The following NT5DC3 variants were observed in gnomAD, a reference collection of about 807,000 sequenced individuals.
NT5DC3 encodes the protein 5'-nucleotidase domain-containing protein 3.
Under a neutral mutation model 67.8 loss-of-function variants are expected in NT5DC3, and 42 were observed. The observed-to-expected ratio is 0.62, with a 90% CI of 0.48 to 0.80. The LOEUF is 0.80. NT5DC3 is among the 30% of genes least tolerant of loss of function. NT5DC3 has a pLI of 0.00. For missense variants in NT5DC3, 570 were observed against 696.4 expected (o/e 0.82, Z 2.04); for synonymous variants, 237 against 255.6 (o/e 0.93, Z 0.69).
chr12:103,826,257 T>C (rs145455401), intron 1 of NT5DC3, among the ~76,000 whole-genome samples: 72 of 152,334 alleles, frequency 4.7e-4, no homozygotes, highest in African/African-American at 1.5e-3. Context: ...TCCAAAGATA[T>C]CCACGTCCTA....
chr12:103,782,927 A>G (rs1330387747), intron 12 of NT5DC3, among the ~76,000 whole-genome samples: 1 of 152,182 alleles, frequency 6.6e-6, no homozygotes, highest in Non-Finnish European at 1.5e-5. Context: ...TGAAGGCTGC[A>G]GTGAGCCAAG....
Position 103,840,966 on chromosome 12 carries a change from G to A in NT5DC3, c.191C>T (p.Ala64Val). ...KRYLWERYRE[A>V]KRSTEELVPS... Reference sequence around the variant, plus strand: ...TCACTCACCTTCTGTGCTTCTCTTCGCCTCCCGGTAGCGCTCCCACAGGTA... The same window carrying A: ...TCACTCACCTTCTGTGCTTCTCTTCACCTCCCGGTAGCGCTCCCACAGGTA... Residue 64 changes from alanine (A) to valine (V), a missense_variant, in exon 1 of 14, where the codon GCG becomes GTG. Ala to Val is a moderately conservative substitution (Grantham distance 64). This residue lies in a region of NT5DC3 where 466 missense variants were observed against 608.0 expected (regional missense o/e 0.77). Transcript: ENST00000392876. 1.5e-6 allele frequency: 2 copies of A among 1,349,176 alleles called. No individual in the cohort carries two copies. Among genetic ancestry groups the A allele is most frequent in the Non-Finnish European group, 9.6e-7 (1 of 1,044,260 alleles). The allele number at this position is 1,349,176 out of a possible 1,614,324, so 83.6% of individuals were successfully genotyped here.
intron 4 of NT5DC3, 81 bp downstream of exon 4, chr12:103,806,241 T>G (rs754829511): frequency 8.2e-6 from 7 of 853,692 alleles, no homozygotes; most frequent in Non-Finnish European, 1.4e-5. Flanking sequence ...GCCCTCTTCA[T>G]CATTAAACAG....
chr12:103,791,071 G>A (rs1360847064), intron 9 of NT5DC3, among the ~76,000 whole-genome samples: 5 of 152,084 alleles, frequency 3.3e-5, no homozygotes, highest in Non-Finnish European at 5.9e-5. Flanking sequence ...CTGTAGGGCT[G>A]TTAGGTTGTT....
the NT5DC3 span, chr12:103,750,846 T>C: frequency 5.4e-6 from 7 of 1,295,190 alleles, no homozygotes; most frequent in Non-Finnish European, 6.1e-6. Flanking sequence ...ATCCCAATAC[T>C]TTGGGAGGCC....
At chr12:103,762,905 G>A in the NT5DC3 span, among the ~76,000 whole-genome samples, 112 of 152,332 alleles carry the variant, frequency 7.4e-4, no homozygotes, top group African/African-American at 2.5e-3. Context: ...TTGACTGGCT[G>A]TGTAAGAATA....
intron 1 of NT5DC3, among the ~76,000 whole-genome samples, chr12:103,816,229 T>C (rs957968807): frequency 3.9e-5 from 6 of 152,198 alleles, no homozygotes; most frequent in African/African-American, 1.2e-4. Context: ...TTTTGGAATA[T>C]CTGCATTATA....
At chr12:103,814,872 T>A (rs1887180983) in intron 2 of NT5DC3, 65 bp downstream of exon 2, 3 of 1,228,232 alleles carry the variant, frequency 2.4e-6, no homozygotes, top group Non-Finnish European at 2.2e-6. Flanking sequence ...TGGGGTCATG[T>A]CAGCTCAAGG....
the NT5DC3 span, chr12:103,763,406 A>G: frequency 9.2e-7 from 1 of 1,084,968 alleles, no homozygotes; most frequent in Non-Finnish European, 1.4e-6. Flanking sequence ...CCAGAGGCAA[A>G]GGGTGGCTTG....
chr12:103,807,055 G>A, intron 2 of NT5DC3, 126 bp from the exon 3 acceptor site: 3 of 611,970 alleles, frequency 4.9e-6, no homozygotes, highest in East Asian at 2.8e-5. Flanking sequence ...GTCAGAAGGG[G>A]CAGACCACAG....
chr12:103,801,467 C>T (rs1384005680), intron 4 of NT5DC3, among the ~76,000 whole-genome samples: 1 of 148,152 alleles, frequency 6.7e-6, no homozygotes, highest in Non-Finnish European at 1.5e-5. Context: ...ACTGCAAGCT[C>T]CACCTCCCAG....
chr12:103,800,015 A>T (rs960155778), intron 4 of NT5DC3, among the ~76,000 whole-genome samples: 2 of 152,210 alleles, frequency 1.3e-5, no homozygotes, highest in Admixed American at 1.3e-4. Context: ...ACTGAATAGT[A>T]CAGGAAATGT....
In NT5DC3 at chr12:103,793,952, T is replaced by C. The variant is rs1886184976; in HGVS notation, c.799A>G (p.Ile267Val). 3 of 1,613,186 alleles carry C rather than the reference T, an allele frequency of 1.9e-6. No individual in the cohort carries two copies. The highest frequency in any genetic ancestry group is 1.7e-5 in the Admixed American group (1 of 60,020). ...GAGCACATACCAATGTCTGCTTCAA[T>C]TGCTCTGTACATTATTCCTTTGATG... ...VHIKGIMYRA[I>V]EADIEKYICY... is the part of the protein sequence containing the mutation. Residue 267 changes from isoleucine (I) to valine (V), a missense_variant, in exon 7 of 14, where the codon ATT (isoleucine) becomes GTT (valine). Physicochemically the swap from Ile to Val is conservative, Grantham distance 29. Transcript: ENST00000392876.
chr12:103,752,354 C>T, the NT5DC3 span, among the ~76,000 whole-genome samples: 4 of 152,204 alleles, frequency 2.6e-5, no homozygotes, highest in Non-Finnish European at 5.9e-5. Context: ...GATCATTTGA[C>T]TTACGCACTG....
chr12:103,787,575 G>A, intron 10 of NT5DC3, 48 bp from the exon 11 acceptor site: 11 of 1,080,120 alleles, frequency 1.0e-5, no homozygotes, highest in Non-Finnish European at 1.5e-5. Flanking sequence ...ATAGAGATCT[G>A]TCTAACCCAC....
the NT5DC3 span, chr12:103,758,993 C>T: frequency 4.9e-6 from 7 of 1,425,800 alleles, no homozygotes; most frequent in Non-Finnish European, 6.8e-6. Flanking sequence ...CCTAAGAAAA[C>T]CTTGACATTT....
At chr12:103,753,560 G>T in the NT5DC3 span, among the ~76,000 whole-genome samples, 1 of 152,146 alleles carries the variant, frequency 6.6e-6, no homozygotes, top group Non-Finnish European at 1.5e-5. Context: ...GGATATTATT[G>T]TTCATCCTTA....
At chr12:103,797,446 G>T (rs1886368675) in intron 5 of NT5DC3, among the ~76,000 whole-genome samples, 1 of 149,822 alleles carries the variant, frequency 6.7e-6, no homozygotes, top group Non-Finnish European at 1.5e-5. Flanking sequence ...CACCAGCCTG[G>T]ACAACAAGAG....
At chr12:103,787,606 T>C (rs2139321635) in intron 10 of NT5DC3, 79 bp from the exon 11 acceptor site, 1 of 725,646 alleles carries the variant, frequency 1.4e-6, no homozygotes. Context: ...ATAAAACTTT[T>C]AAAAATTGTT....
Sources: gnomAD v4.1 joint callset for allele counts (sites outside exome capture counted in the v4.1 genomes callset) on GRCh38, gnomAD v4.1.1 for gene constraint, gnomAD v4.1.1 regional missense constraint, MANE v1.5 for transcripts, NCBI Gene and HGNC (gene_info 2026-07-23, HGNC 2026-07-21) for gene names.